DLC1: variants seen among roughly 807,000 people sequenced by gnomAD.
DLC1 encodes the protein rho GTPase-activating protein 7.
In DLC1, 54 loss-of-function variants were observed where a neutral mutation model predicts 140.3. The observed-to-expected ratio is 0.38, with a 90% confidence interval of 0.31 to 0.48. The LOEUF (loss-of-function observed/expected upper bound fraction) is 0.48, where lower values mean the gene tolerates loss of function less well. Ranked by LOEUF, DLC1 falls within the 20% of genes least tolerant of loss-of-function variation. DLC1 has a pLI of 0.96. For missense variants in DLC1, 2,536 were observed against 1,907.0 expected, an observed-to-expected ratio of 1.33 and a Z score of -6.14; for synonymous variants, 986 against 728.1, an observed-to-expected ratio of 1.35 and a Z score of -5.70.
intron 5 of DLC1, among the ~76,000 whole-genome samples, chr8:13,202,952 C>T (rs1290317608): frequency 6.6e-6 from 1 of 152,186 alleles, no homozygotes; most frequent in Non-Finnish European, 1.5e-5. Context: ...AGATTACAGG[C>T]ATGAGTCACC....
intron 4 of DLC1, among the ~76,000 whole-genome samples, chr8:13,354,677 G>A (rs1426475795): frequency 6.6e-6 from 1 of 151,870 alleles, no homozygotes; most frequent in South Asian, 2.1e-4. Flanking sequence ...AGGTGTGGTG[G>A]CTCACATCTG....
At position 13,560,775 on chromosome 8, in the gene DLC1, G is replaced by T. The variant is rs117833275; in HGVS notation, c.-126+43762C>A. On this transcript the variant is annotated intron_variant, in intron 1 of 1. Transcript: ENST00000631382. Reference sequence around the variant, plus strand: ...TATGGCTAGTGTCCCTGTGGGGGGGGAGGGAAAAAGGAAATTTGGGCACAG... The same window carrying T: ...TATGGCTAGTGTCCCTGTGGGGGGGTAGGGAAAAAGGAAATTTGGGCACAG... Among the ~76,000 whole-genome samples, 93 of 152,112 alleles carry T rather than the reference G, an allele frequency of 6.1e-4. No individual in the cohort carries two copies. The East Asian group carries it at 0.015, about 24-fold the overall frequency.
At chr8:13,155,343 C>T (rs1474931537) in intron 5 of DLC1, among the ~76,000 whole-genome samples, 4 of 145,708 alleles carry the variant, frequency 2.7e-5, no homozygotes, top group African/African-American at 2.5e-5. Flanking sequence ...ATGACAAAAC[C>T]ACCTCCACCA....
Position 13,520,403 on chromosome 8 carries a change from C to A in DLC1, c.-125-20207G>T, listed in dbSNP as rs947817762. Among the ~76,000 whole-genome samples the A allele has an allele frequency of 2.5e-4, 38 of 152,042 alleles. No individual in the cohort carries two copies. In the East Asian group the frequency reaches 7.0e-3, roughly 28 times the overall value. On this transcript the variant is annotated intron_variant, in intron 1 of 1. Transcript: ENST00000631382. ...AAACCAAATACCGCATGTTCTCACC[C>A]ATAAGTGGGAGTTGAACAGTGGGAA...
intron 1 of DLC1, among the ~76,000 whole-genome samples, chr8:13,595,418 T>A (rs1355549614): frequency 6.6e-6 from 1 of 152,072 alleles, no homozygotes; most frequent in Non-Finnish European, 1.5e-5. Context: ...TGTATATCTT[T>A]TAGTATTTAA....
chr8:13,425,099 A>C (rs550121695), intron 2 of DLC1, among the ~76,000 whole-genome samples: 1 of 152,084 alleles, frequency 6.6e-6, no homozygotes, highest in East Asian at 1.9e-4. Context: ...TCTCTTTCCA[A>C]GTTCCTAGAA....
chr8:13,505,080 A>T (rs1232255578), intron 1 of DLC1, among the ~76,000 whole-genome samples: 4 of 152,196 alleles, frequency 2.6e-5, no homozygotes, highest in Admixed American at 2.6e-4. Context: ...AGTTATAGAG[A>T]ACACTAGGGA....
At chr8:13,576,838 A>G (rs188947489) in intron 1 of DLC1, among the ~76,000 whole-genome samples, 3 of 152,348 alleles carry the variant, frequency 2.0e-5, no homozygotes, top group African/African-American at 7.2e-5. Flanking sequence ...CAAGTGCCCT[A>G]CGAGTAGCTT....
At chr8:13,542,202 AT>A (rs961361703) in intron 1 of DLC1, among the ~76,000 whole-genome samples, 50 of 152,210 alleles carry the variant, frequency 3.3e-4, no homozygotes, top group African/African-American at 1.1e-3. Context: ...TAGCTCTTAT[AT>A]TTTGGCCTGT....
intron 16 of DLC1, 103 bp downstream of exon 16, chr8:13,088,384 T>C: frequency 5.2e-6 from 7 of 1,352,214 alleles, no homozygotes; most frequent in Non-Finnish European, 6.1e-6. Context: ...ATGCCCGGCC[T>C]CTACTTTAAA....
chr8:13,153,854 A>G (rs1366675916), intron 5 of DLC1, among the ~76,000 whole-genome samples: 1 of 151,974 alleles, frequency 6.6e-6, no homozygotes, highest in Non-Finnish European at 1.5e-5. Context: ...CTAGACACAG[A>G]GTGCTGATTG....
intron 5 of DLC1, among the ~76,000 whole-genome samples, chr8:13,265,813 T>C (rs1830664370): frequency 6.6e-6 from 1 of 151,252 alleles, no homozygotes; most frequent in South Asian, 2.2e-4. Context: ...TTTTTCCATC[T>C]TCCAGTTTAT....
chr8:13,557,499 C>T (rs562298608), intron 1 of DLC1, among the ~76,000 whole-genome samples: 24 of 152,228 alleles, frequency 1.6e-4, no homozygotes, highest in African/African-American at 4.6e-4. Context: ...ATTGTAATCC[C>T]CATGTGTCAA....
intron 5 of DLC1, among the ~76,000 whole-genome samples, chr8:13,147,659 A>G (rs1235911727): frequency 1.3e-5 from 2 of 152,078 alleles, no homozygotes; most frequent in Admixed American, 1.3e-4. Context: ...GGTACAGCAT[A>G]CTTATTATTA....
chr8:13,143,621 A>ATTTT (rs35614849), intron 5 of DLC1, among the ~76,000 whole-genome samples: 1 of 145,108 alleles, frequency 6.9e-6, no homozygotes, highest in Non-Finnish European at 1.5e-5. Flanking sequence ...ACCCTGGTTG[A>ATTTT]TTTTTTTTTT....
intron 4 of DLC1, among the ~76,000 whole-genome samples, chr8:13,366,331 C>A (rs769653298): frequency 6.6e-6 from 1 of 152,138 alleles, no homozygotes; most frequent in Non-Finnish European, 1.5e-5. Context: ...ACATGCCTGG[C>A]GCTGTCCTAA....
chr8:13,558,479 A>T (rs1299349889), intron 1 of DLC1: 1 of 152,214 alleles, frequency 6.6e-6, no homozygotes, highest in Non-Finnish European at 1.5e-5. Flanking sequence ...TTAAAAATTT[A>T]TAAGTTTTGA....
At chr8:13,401,412 G>A in intron 3 of DLC1, 58 bp downstream of exon 3, 2 of 1,591,728 alleles carry the variant, frequency 1.3e-6, no homozygotes, top group Non-Finnish European at 1.7e-6. Flanking sequence ...AAGAGGGACT[G>A]TATAAGGTCA....
At chr8:13,115,547 G>C in intron 6 of DLC1, 39 bp downstream of exon 6, 1 of 1,578,644 alleles carries the variant, frequency 6.3e-7, no homozygotes, top group Non-Finnish European at 8.7e-7. Context: ...AAGGGATTAT[G>C]ATTATGCCAA....
Sources: gnomAD v4.1 joint callset for allele counts (sites outside exome capture counted in the v4.1 genomes callset) on GRCh38, gnomAD v4.1.1 for gene constraint, MANE v1.5 for transcripts, NCBI Gene and HGNC (gene_info 2026-07-23, HGNC 2026-07-21) for gene names.